The following TXNRD2 variants were observed in gnomAD, a reference collection of about 807,000 sequenced individuals.
TXNRD2 encodes the protein thioredoxin reductase 2.
Under a neutral mutation model 70.8 loss-of-function variants are expected in TXNRD2, and 67 were observed. That is an observed-to-expected ratio of 0.95 (90% CI 0.78 to 1.16). The LOEUF is 1.16. Among genes scored for constraint, TXNRD2 ranks in the 50% most tolerant of loss-of-function variants. The pLI is 0.00. For synonymous variants in TXNRD2, 301 were observed against 295.8 expected (o/e 1.02, Z -0.18); for missense variants, 644 against 719.9 (o/e 0.89, Z 1.21).
intron 8 of TXNRD2, among the ~76,000 whole-genome samples, chr22:19,900,841 A>G (rs1347604805): frequency 6.6e-6 from 1 of 152,170 alleles, no homozygotes; most frequent in Non-Finnish European, 1.5e-5. Flanking sequence ...GCAAGGGTGT[A>G]ACTGGGCGAG....
At chr22:19,888,897 T>TC (rs397816327) in intron 11 of TXNRD2, among the ~76,000 whole-genome samples, 1 of 150,668 alleles carries the variant, frequency 6.6e-6, no homozygotes, top group East Asian at 1.9e-4. Context: ...TTTTTTTTTT[T>TC]CTGGAATCGC....
intron 1 of TXNRD2, among the ~76,000 whole-genome samples, chr22:19,935,630 T>A (rs6518589): frequency 1.3e-5 from 2 of 151,912 alleles, no homozygotes; most frequent in Non-Finnish European, 2.9e-5. Flanking sequence ...GTGGGCATCA[T>A]GGTCCTACCG....
At chr22:19,897,288 G>A (rs1365368687) in intron 10 of TXNRD2, among the ~76,000 whole-genome samples, 2 of 152,214 alleles carry the variant, frequency 1.3e-5, no homozygotes, top group African/African-American at 4.8e-5. Flanking sequence ...GGCTCTGTGA[G>A]CTGAGGGTCG....
intron 1 of TXNRD2, among the ~76,000 whole-genome samples, chr22:19,938,960 G>A (rs1941615242): frequency 6.6e-6 from 1 of 152,274 alleles, no homozygotes; most frequent in African/African-American, 2.4e-5. Context: ...GCAGCTAAAT[G>A]CCATTATACA....
rs8142006 is a variant in TXNRD2, at chr22:19,899,274, G to A, written c.663-206C>T. On this transcript the variant is annotated intron_variant, in intron 8 of 17. Coordinates refer to ENST00000400521, the MANE Select transcript of TXNRD2 (RefSeq NM_006440.5). ...ATGTTGTGAATCAGCAAATCGCCTG[G>A]TGGTGAAGGGCGTGTGTGTCAGTGA... Among the ~76,000 whole-genome samples the A allele has an allele frequency of 0.22, 33,271 of 152,200 alleles. 4,523 individuals are homozygous for A. The highest frequency in any genetic ancestry group is 0.37 in the African/African-American group (15,460 of 41,492).
At chr22:19,934,380 C>CAAAAAAA (rs1434018764) in intron 1 of TXNRD2, among the ~76,000 whole-genome samples, 1 of 45,374 alleles carries the variant, frequency 2.2e-5, no homozygotes, top group African/African-American at 8.3e-5. Context: ...GACTCTGTCT[C>CAAAAAAA]AGAAAAAAAA....
Position 19,941,472 on chromosome 22 carries a change from G to C in TXNRD2, c.103+229C>G, listed in dbSNP as rs978344383. 40 of 617,850 alleles carry C rather than the reference G, an allele frequency of 6.5e-5. No homozygotes were observed. The South Asian group carries it at 1.4e-3, about 21-fold the overall frequency. 38.3% of individuals were successfully genotyped at this position (617,850 alleles called of 1,614,324 possible). A position where few individuals can be genotyped will look rare whatever the true frequency, so the allele number is the denominator to read the frequency against. On this transcript the variant is annotated intron_variant, in intron 1 of 17. Transcript: ENST00000400521. ...GACCACAGGTGCAGTCAGCACAGCA[G>C]GACCTTAGACAAGGCACCCAGCCCC... is the stretch of plus-strand genomic sequence containing the variant.
chr22:19,880,555 C>T (rs1569070954), intron 13 of TXNRD2, 67 bp downstream of exon 13: 1 of 1,465,106 alleles, frequency 6.8e-7, no homozygotes, highest in Non-Finnish European at 9.6e-7. Context: ...GGCCCCTCAC[C>T]CCAGAAGAGC....
At chr22:19,895,123 T>A in intron 11 of TXNRD2, 4 of 1,598,488 alleles carry the variant, frequency 2.5e-6, no homozygotes, top group Non-Finnish European at 3.4e-6. Flanking sequence ...GACACCTGGC[T>A]GATGCCGTCT....
chr22:19,934,682 C>A (rs538381802), intron 1 of TXNRD2, among the ~76,000 whole-genome samples: 1 of 152,000 alleles, frequency 6.6e-6, no homozygotes, highest in African/African-American at 2.4e-5. Context: ...CCTGTCTCAG[C>A]CTCCTGAGTA....
At chr22:19,933,366 G>A in intron 1 of TXNRD2, 6 of 1,119,102 alleles carry the variant, frequency 5.4e-6, no homozygotes, top group South Asian at 2.6e-5. Flanking sequence ...GCATGAACCT[G>A]CTGATGGAGA....
chr22:19,937,702 A>G (rs1396218320), intron 1 of TXNRD2, among the ~76,000 whole-genome samples: 1 of 152,182 alleles, frequency 6.6e-6, no homozygotes, highest in Non-Finnish European at 1.5e-5. Flanking sequence ...ACCCAAAAAA[A>G]CTACACTGTT....
At chr22:19,880,791 T>C (rs773828261) in intron 12 of TXNRD2, 74 bp from the exon 13 acceptor site, 1 of 1,092,662 alleles carries the variant, frequency 9.2e-7, no homozygotes, top group Non-Finnish European at 1.4e-6. Context: ...CATCACCCTT[T>C]GCCCTCCGAG....
intron 8 of TXNRD2, among the ~76,000 whole-genome samples, chr22:19,907,205 GA>G: frequency 1.1e-5 from 1 of 91,120 alleles, no homozygotes; most frequent in Non-Finnish European, 2.3e-5. Context: ...CCGCTCTCAG[GA>G]GAGTGTGGGC....
intron 2 of TXNRD2, among the ~76,000 whole-genome samples, chr22:19,925,627 T>C (rs922730019): frequency 6.6e-6 from 1 of 151,942 alleles, no homozygotes; most frequent in African/African-American, 2.4e-5. Flanking sequence ...AATAGATGTA[T>C]GCTTTTTTAA....
At chr22:19,895,221 A>T (rs1346125134) in intron 11 of TXNRD2, 186 bp downstream of exon 11, 3 of 1,597,658 alleles carry the variant, frequency 1.9e-6, no homozygotes, top group Non-Finnish European at 1.7e-6. Flanking sequence ...CAAGATGGGC[A>T]CAGCCTAGTG....
chr22:19,926,882 G>T (rs879387145), intron 2 of TXNRD2, among the ~76,000 whole-genome samples: 1 of 152,334 alleles, frequency 6.6e-6, no homozygotes, highest in South Asian at 2.1e-4. Flanking sequence ...CTGGGGAGAG[G>T]GGGGAAGAGA....
intron 14 of TXNRD2, among the ~76,000 whole-genome samples, chr22:19,879,556 G>A (rs1371669836): frequency 1.3e-5 from 2 of 150,594 alleles, no homozygotes; most frequent in East Asian, 2.0e-4. Context: ...GGGGGGCGGG[G>A]GGCGGGGGGC....
chr22:19,916,219 TGTCACC>T (rs1940632808), intron 5 of TXNRD2: 1 of 302,084 alleles, frequency 3.3e-6, no homozygotes, highest in South Asian at 3.3e-5. Context: ...CACCAGATGG[TGTCACC>T]TTCTGATTTC....
Sources: allele counts gnomAD v4.1 joint callset (sites outside exome capture counted in the v4.1 genomes callset), GRCh38; gene constraint gnomAD v4.1.1; transcripts MANE v1.5; gene names NCBI Gene and HGNC (gene_info 2026-07-23, HGNC 2026-07-21).